Variants in EXOC4 observed in about 807,000 individuals in gnomAD.
EXOC4 encodes the protein SEC8-like 1.
EXOC4 carries 71 observed loss-of-function variants against 107.2 expected under a neutral mutation model. The ratio of observed to expected loss-of-function variants is 0.66; its 90% CI spans 0.55 to 0.81. EXOC4 has a LOEUF of 0.81. Among genes scored for constraint, EXOC4 ranks in the 30% least tolerant of loss-of-function variants. EXOC4 has a pLI of 0.00. For synonymous variants in EXOC4, 456 were observed against 441.2 expected, an observed-to-expected ratio of 1.03 and a Z score of -0.42; for missense variants, 1,108 against 1,189.6, an observed-to-expected ratio of 0.93 and a Z score of 1.01.
chr7:134,014,796 TAA>T (rs374325144), intron 17 of EXOC4, among the ~76,000 whole-genome samples: 1 of 148,272 alleles, frequency 6.7e-6, no homozygotes, highest in African/African-American at 2.5e-5. Flanking sequence ...TGAAGGAGTT[TAA>T]AAAAAAAAGA....
At chr7:133,796,322 T>C (rs1042602834) in intron 10 of EXOC4, among the ~76,000 whole-genome samples, 2 of 152,098 alleles carry the variant, frequency 1.3e-5, no homozygotes, top group African/African-American at 4.8e-5. Flanking sequence ...ATACAGGTTG[T>C]GGGGGAAAGG....
At chr7:134,025,350 T>C (rs576479135) in intron 17 of EXOC4, among the ~76,000 whole-genome samples, 4 of 152,328 alleles carry the variant, frequency 2.6e-5, no homozygotes, top group South Asian at 2.1e-4. Flanking sequence ...TTGACTGGAT[T>C]GCATGCCCTG....
chr7:133,841,650 C>A (rs1309176363), intron 11 of EXOC4, among the ~76,000 whole-genome samples: 1 of 152,142 alleles, frequency 6.6e-6, no homozygotes, highest in Non-Finnish European at 1.5e-5. Flanking sequence ...GTATTTATTT[C>A]CAGAAAGTTC....
At chr7:133,897,424 A>C (rs1378094159) in intron 12 of EXOC4, among the ~76,000 whole-genome samples, 2 of 152,194 alleles carry the variant, frequency 1.3e-5, no homozygotes, top group African/African-American at 4.8e-5. Flanking sequence ...AAGAAAGTTA[A>C]AATTTAGCCT....
chr7:133,855,156 A>AAT (rs1215659151), intron 11 of EXOC4, among the ~76,000 whole-genome samples: 5 of 129,696 alleles, frequency 3.9e-5, no homozygotes, highest in Non-Finnish European at 6.2e-5. Flanking sequence ...TATATATATA[A>AAT]ATATATATAT....
At chr7:133,520,472 C>T (rs1366912517) in intron 9 of EXOC4, among the ~76,000 whole-genome samples, 1 of 151,658 alleles carries the variant, frequency 6.6e-6, no homozygotes, top group Non-Finnish European at 1.5e-5. Context: ...ATTTGTTAAT[C>T]GATGAAGCAG....
intron 14 of EXOC4, among the ~76,000 whole-genome samples, chr7:133,943,077 A>G (rs1213698878): frequency 6.6e-6 from 1 of 152,190 alleles, no homozygotes; most frequent in Non-Finnish European, 1.5e-5. Flanking sequence ...CCTCTGTCAT[A>G]CTAGCCATGT....
At chr7:133,586,675 G>C (rs980482168) in intron 9 of EXOC4, among the ~76,000 whole-genome samples, 5 of 152,264 alleles carry the variant, frequency 3.3e-5, no homozygotes, top group African/African-American at 9.6e-5. Context: ...AGATTGAATG[G>C]GAAAGGCCTC....
intron 7 of EXOC4, among the ~76,000 whole-genome samples, chr7:133,454,946 A>G (rs1195381425): frequency 6.6e-6 from 1 of 152,008 alleles, no homozygotes; most frequent in African/African-American, 2.4e-5. Flanking sequence ...AAAAAATATA[A>G]AAATTAGCCA....
intron 2 of EXOC4, among the ~76,000 whole-genome samples, chr7:133,286,935 C>T (rs1794292676): frequency 6.6e-6 from 1 of 152,144 alleles, no homozygotes; most frequent in Non-Finnish European, 1.5e-5. Flanking sequence ...GGAAATTACC[C>T]ATGTGTGTGG....
At chr7:133,814,304 A>G (rs1797310366) in intron 10 of EXOC4, among the ~76,000 whole-genome samples, 1 of 152,138 alleles carries the variant, frequency 6.6e-6, no homozygotes, top group Non-Finnish European at 1.5e-5. Context: ...TTTTCCTTGT[A>G]ACAATATATC....
chr7:133,349,214 A>C (rs1795854277), intron 5 of EXOC4, among the ~76,000 whole-genome samples: 1 of 152,062 alleles, frequency 6.6e-6, no homozygotes, highest in Non-Finnish European at 1.5e-5. Context: ...TGCAGTGTTA[A>C]ATACATTGAT....
chr7:134,090,157 A>G, the EXOC4 span, among the ~76,000 whole-genome samples: 2 of 152,226 alleles, frequency 1.3e-5, no homozygotes, highest in African/African-American at 4.8e-5. Context: ...TCTTTCATAT[A>G]TAACCACACA....
intron 10 of EXOC4, among the ~76,000 whole-genome samples, chr7:133,784,050 C>T (rs569705691): frequency 4.1e-4 from 62 of 152,168 alleles, no homozygotes; most frequent in African/African-American, 1.4e-3. Flanking sequence ...ACTATCTTTC[C>T]ATTTTCAATG....
intron 9 of EXOC4, among the ~76,000 whole-genome samples, chr7:133,536,466 A>T (rs1800271566): frequency 6.6e-6 from 1 of 152,074 alleles, no homozygotes; most frequent in South Asian, 2.1e-4. Flanking sequence ...AGCCTTCTTC[A>T]AAATGTTGCT....
chr7:133,536,965 A>G (rs966899493), intron 9 of EXOC4, among the ~76,000 whole-genome samples: 3 of 152,162 alleles, frequency 2.0e-5, no homozygotes, highest in African/African-American at 4.8e-5. Flanking sequence ...TTACATGACT[A>G]TGTCTAGATA....
chr7:133,580,459 A>G (rs536106593), intron 9 of EXOC4, among the ~76,000 whole-genome samples: 35 of 152,306 alleles, frequency 2.3e-4, no homozygotes, highest in African/African-American at 8.2e-4. Context: ...ACTTTTTCAC[A>G]GTAGTGCCCA....
intron 10 of EXOC4, among the ~76,000 whole-genome samples, chr7:133,755,322 T>TA (rs1795891591): frequency 8.8e-6 from 1 of 113,410 alleles, no homozygotes; most frequent in Non-Finnish European, 1.8e-5. Context: ...ATTATATATA[T>TA]ATAATATATA....
At chr7:134,057,671 C>T (rs1795962748) in intron 17 of EXOC4, among the ~76,000 whole-genome samples, 1 of 152,076 alleles carries the variant, frequency 6.6e-6, no homozygotes, top group Non-Finnish European at 1.5e-5. Flanking sequence ...TACACTTGTT[C>T]AGAGTGTTTT....
Sources: gnomAD v4.1 joint callset for allele counts (sites outside exome capture counted in the v4.1 genomes callset) on GRCh38, gnomAD v4.1.1 for gene constraint, MANE v1.5 for transcripts, NCBI Gene and HGNC (gene_info 2026-07-23, HGNC 2026-07-21) for gene names.